Variants in SIK3 observed in about 807,000 individuals in gnomAD.
SIK3 encodes the protein serine/threonine-protein kinase SIK3.
Under a neutral mutation model 144.2 loss-of-function variants are expected in SIK3, and 28 were observed. That is an observed-to-expected ratio of 0.19 (90% CI 0.14 to 0.27). The LOEUF is 0.27. Ranked by LOEUF, SIK3 falls within the 10% of genes least tolerant of loss-of-function variation. The pLI is 1.00. For synonymous variants in SIK3, 686 were observed against 676.3 expected, an observed-to-expected ratio of 1.01 and a Z score of -0.22; for missense variants, 1,319 against 1,776.0, an observed-to-expected ratio of 0.74 and a Z score of 4.62.
chr11:117,049,760 A>G (rs996792880), intron 1 of SIK3, among the ~76,000 whole-genome samples: 1 of 152,168 alleles, frequency 6.6e-6, no homozygotes, highest in Admixed American at 6.5e-5. Context: ...GTTTGAGACC[A>G]GCCTGGGCAA....
intron 3 of SIK3, among the ~76,000 whole-genome samples, chr11:116,941,342 A>C (rs78066444): frequency 0.072 from 10,957 of 151,936 alleles, 492 homozygotes; most frequent in Middle Eastern, 0.11. Flanking sequence ...GAGTAAATAA[A>C]CTAGTGGGAA....
At chr11:117,094,033 T>C (rs1199714495) in intron 1 of SIK3, among the ~76,000 whole-genome samples, 1 of 152,126 alleles carries the variant, frequency 6.6e-6, no homozygotes, top group East Asian at 1.9e-4. Flanking sequence ...ACATACACTA[T>C]CTTCTTTAAT....
At chr11:117,076,175 G>A (rs1287403085) in intron 1 of SIK3, among the ~76,000 whole-genome samples, 1 of 151,934 alleles carries the variant, frequency 6.6e-6, no homozygotes, top group Non-Finnish European at 1.5e-5. Flanking sequence ...AAAACTTACC[G>A]TTGCAGGGTT....
At chr11:117,050,997 G>C (rs1157766991) in intron 1 of SIK3, among the ~76,000 whole-genome samples, 2 of 152,252 alleles carry the variant, frequency 1.3e-5, no homozygotes, top group East Asian at 3.9e-4. Context: ...AACATTTCTA[G>C]GTGGGTCTCT....
At chr11:116,918,824 T>C (rs1346826502) in intron 4 of SIK3, among the ~76,000 whole-genome samples, 1 of 152,222 alleles carries the variant, frequency 6.6e-6, no homozygotes, top group Non-Finnish European at 1.5e-5. Flanking sequence ...GAATACAAAT[T>C]TGTAAAGTTC....
At chr11:117,025,250 T>A (rs1380791077) in intron 1 of SIK3, among the ~76,000 whole-genome samples, 1 of 152,138 alleles carries the variant, frequency 6.6e-6, no homozygotes, top group Non-Finnish European at 1.5e-5. Flanking sequence ...AAATCACTGA[T>A]CCGGTCCAAC....
intron 3 of SIK3, among the ~76,000 whole-genome samples, chr11:116,932,355 C>T (rs1025885322): frequency 6.6e-6 from 1 of 152,140 alleles, no homozygotes; most frequent in Non-Finnish European, 1.5e-5. Context: ...GCCCAGTTTC[C>T]GCCAATGGTT....
intron 1 of SIK3, among the ~76,000 whole-genome samples, chr11:117,088,474 T>C (rs917277735): frequency 6.6e-6 from 1 of 152,184 alleles, no homozygotes; most frequent in Non-Finnish European, 1.5e-5. Context: ...AGTCAAAAGA[T>C]GTATTAAGGG....
In SIK3 at chr11:116,867,750, G is replaced by C; in HGVS notation, c.1952+196C>G. 1 of 444,656 alleles carries C rather than the reference G, an allele frequency of 2.2e-6. No homozygotes were observed. Among genetic ancestry groups the C allele is most frequent in the African/African-American group, 2.0e-5 (1 of 49,350 alleles). The allele number at this position is 444,656 out of a possible 1,614,324, so 27.5% of individuals were successfully genotyped here. On this transcript the variant is annotated intron_variant, in intron 15 of 24. Coordinates refer to ENST00000445177, the MANE Select transcript of SIK3 (RefSeq NM_001366686.3). This position sits in a 1 kb window ranked among gnomAD's most constrained non-coding sequence, Gnocchi z 4.1. ...CAAGGTAATGGGAGAGAGGAATCTC[G>C]CATTGCTCCAGGGCGCAGTAAAAAA...
intron 1 of SIK3, among the ~76,000 whole-genome samples, chr11:116,978,288 C>G (rs866963326): frequency 6.6e-6 from 1 of 152,102 alleles, no homozygotes; most frequent in Non-Finnish European, 1.5e-5. Context: ...TTCCTTTCAA[C>G]AACAAGCTTA....
At chr11:117,052,422 C>G (rs1953299347) in intron 1 of SIK3, among the ~76,000 whole-genome samples, 2 of 152,278 alleles carry the variant, frequency 1.3e-5, no homozygotes, top group Middle Eastern at 3.4e-3. Context: ...GCAGTAAAAC[C>G]TGACCATAAG....
chr11:117,084,457 G>T (rs1393387032), intron 1 of SIK3, among the ~76,000 whole-genome samples: 1 of 152,022 alleles, frequency 6.6e-6, no homozygotes, highest in African/African-American at 2.4e-5. Context: ...GTAGAGACAG[G>T]GTTTCACCAG....
At chr11:116,866,566 C>T (rs372273439) in intron 15 of SIK3, among the ~76,000 whole-genome samples, 2 of 152,192 alleles carry the variant, frequency 1.3e-5, no homozygotes, top group African/African-American at 2.4e-5. Flanking sequence ...CTTAGCTTCC[C>T]GAGTAGCTGG....
chr11:116,953,916 A>G, intron 3 of SIK3, 128 bp downstream of exon 3: 2 of 631,080 alleles, frequency 3.2e-6, no homozygotes, highest in South Asian at 4.2e-5. Context: ...CTTTGTTGAT[A>G]GAAAATGGCA....
At chr11:116,854,047 G>C (rs1442078486) in intron 21 of SIK3, among the ~76,000 whole-genome samples, 1 of 152,174 alleles carries the variant, frequency 6.6e-6, no homozygotes. Flanking sequence ...TGATATGATG[G>C]CATCTAATTT....
At chr11:117,095,900 CTT>C (rs1373780684) in intron 1 of SIK3, among the ~76,000 whole-genome samples, 7 of 152,212 alleles carry the variant, frequency 4.6e-5, no homozygotes, top group Admixed American at 3.9e-4. Context: ...TCATTCAAGA[CTT>C]TGAATATTTC....
intron 1 of SIK3, among the ~76,000 whole-genome samples, chr11:116,964,620 C>T (rs1309654295): frequency 6.6e-6 from 1 of 152,144 alleles, no homozygotes; most frequent in Non-Finnish European, 1.5e-5. Context: ...GTGGCTCATG[C>T]CTCTAATCCC....
At chr11:116,908,620 A>G (rs1946177231) in intron 4 of SIK3, among the ~76,000 whole-genome samples, 1 of 152,216 alleles carries the variant, frequency 6.6e-6, no homozygotes, top group Non-Finnish European at 1.5e-5. Flanking sequence ...AAAAATGAGC[A>G]AAAGACTATT....
chr11:117,003,312 T>TA (rs1023560366), intron 1 of SIK3, among the ~76,000 whole-genome samples: 5 of 152,084 alleles, frequency 3.3e-5, no homozygotes, highest in African/African-American at 1.2e-4. Context: ...AATAAGAACA[T>TA]AAAAGAAAAG....
Sources: gnomAD v4.1 joint callset for allele counts (sites outside exome capture counted in the v4.1 genomes callset) on GRCh38, gnomAD v4.1.1 for gene constraint, Gnocchi (gnomAD v3.1) non-coding constraint, MANE v1.5 for transcripts, NCBI Gene and HGNC (gene_info 2026-07-23, HGNC 2026-07-21) for gene names.